LY86: variants seen among roughly 807,000 people sequenced by gnomAD.
LY86 encodes the protein lymphocyte antigen 86, also known as MD-1, RP105-associated.
Under a neutral mutation model 17.3 loss-of-function variants are expected in LY86, and 20 were observed. The ratio of observed to expected loss-of-function variants is 1.15; its 90% CI spans 0.81 to 1.68. LY86 has a LOEUF of 1.68. Among genes scored for constraint, LY86 ranks in the 40% most tolerant of loss-of-function variants. The probability of loss-of-function intolerance (pLI) is 0.00; values close to 1 mark genes in which losing one functional copy is unlikely to be tolerated. For synonymous variants in LY86, 74 were observed against 70.6 expected, an observed-to-expected ratio of 1.05 and a Z score of -0.24; for missense variants, 200 against 191.9, an observed-to-expected ratio of 1.04 and a Z score of -0.25.
intron 1 of LY86, among the ~76,000 whole-genome samples, chr6:6,596,482 CTT>C (rs978955437): frequency 2.6e-5 from 4 of 152,168 alleles, no homozygotes; most frequent in Non-Finnish European, 5.9e-5. Flanking sequence ...CAATTTCTCT[CTT>C]CATTTATTTT....
At chr6:6,595,436 A>AG (rs1373129199) in intron 1 of LY86, among the ~76,000 whole-genome samples, 1 of 95,666 alleles carries the variant, frequency 1.0e-5, no homozygotes, top group Non-Finnish European at 2.2e-5. Context: ...AAGGGGGAGG[A>AG]GGGGGGAGTG....
At position 6,624,923 on chromosome 6, in the gene LY86, T is replaced by C. The variant is rs753964742; in HGVS notation, c.137-3T>C. 2 of 1,469,602 alleles carry C rather than the reference T, an allele frequency of 1.4e-6. No individual in the cohort carries two copies. The highest frequency in any genetic ancestry group is 3.6e-5 in the Admixed American group (2 of 55,402). The allele number at this position is 1,469,602 out of a possible 1,614,324, so 91.0% of individuals were successfully genotyped here. A position where few individuals can be genotyped will look rare whatever the true frequency, so the allele number is the denominator to read the frequency against. On this transcript the variant is annotated splice_region_variant and splice_polypyrimidine_tract_variant and intron_variant, in intron 1 of 4. Transcript: ENST00000230568. Reference sequence around the variant, plus strand: ...AACTAATCTATTGTTTTCTTCTTCGTAGATCCATTACAAGATTTTGGCTTT... The same window carrying C: ...AACTAATCTATTGTTTTCTTCTTCGCAGATCCATTACAAGATTTTGGCTTT...
chr6:6,588,987 A>G, intron 1 of LY86, 117 bp downstream of exon 1: 2 of 1,326,692 alleles, frequency 1.5e-6, no homozygotes, highest in East Asian at 2.5e-5. Context: ...GCAGCTGAAC[A>G]CTTTCTCCAC....
chr6:6,647,968 TACACACACAC>T (rs57233850), intron 3 of LY86, among the ~76,000 whole-genome samples: 6,043 of 144,744 alleles, frequency 0.042, 239 homozygotes, highest in African/African-American at 0.11. Context: ...AATCATCACA[TACACACACAC>T]ACACACACAC....
intron 1 of LY86, among the ~76,000 whole-genome samples, chr6:6,621,895 C>T (rs766596499): frequency 6.6e-6 from 1 of 152,016 alleles, no homozygotes; most frequent in Non-Finnish European, 1.5e-5. Flanking sequence ...TAATATAAAA[C>T]ATGCAAAGTG....
At chr6:6,603,604 AG>A (rs1415983056) in intron 1 of LY86, among the ~76,000 whole-genome samples, 2,529 of 55,524 alleles carry the variant, frequency 0.046, 72 homozygotes, top group East Asian at 0.11. Flanking sequence ...AAACAGAAAC[AG>A]AAAAAAAAAC....
intron 4 of LY86, among the ~76,000 whole-genome samples, 180 bp from the exon 5 acceptor site, chr6:6,654,364 G>A (rs937311220): frequency 1.3e-5 from 2 of 152,238 alleles, no homozygotes; most frequent in Admixed American, 6.5e-5. Flanking sequence ...TCATAAGGGT[G>A]GTCTGTCTCT....
intron 1 of LY86, among the ~76,000 whole-genome samples, chr6:6,623,301 G>A (rs941446666): frequency 6.6e-6 from 1 of 152,164 alleles, no homozygotes; most frequent in Non-Finnish European, 1.5e-5. Flanking sequence ...CTAAGGAAAG[G>A]GTGACAGCTT....
At chr6:6,654,039 C>A (rs1762224662) in intron 4 of LY86, among the ~76,000 whole-genome samples, 1 of 152,146 alleles carries the variant, frequency 6.6e-6, no homozygotes, top group Admixed American at 6.5e-5. Context: ...CCACCATGGC[C>A]TTTGAGGCCC....
intron 3 of LY86, among the ~76,000 whole-genome samples, chr6:6,640,416 A>C (rs965775779): frequency 6.6e-6 from 1 of 151,888 alleles, no homozygotes; most frequent in East Asian, 1.9e-4. Flanking sequence ...AATAAAAAAA[A>C]AAGGCAGGAG....
At chr6:6,641,152 C>T (rs1227713937) in intron 3 of LY86, among the ~76,000 whole-genome samples, 1 of 152,184 alleles carries the variant, frequency 6.6e-6, no homozygotes, top group Non-Finnish European at 1.5e-5. Context: ...CTGGACATCC[C>T]CAAGTAACAT....
chr6:6,613,353 C>T (rs192678170), intron 1 of LY86, among the ~76,000 whole-genome samples: 21 of 152,350 alleles, frequency 1.4e-4, no homozygotes, highest in African/African-American at 4.8e-4. Context: ...GGAGGCTTGG[C>T]CTGCTCATAA....
intron 3 of LY86, among the ~76,000 whole-genome samples, chr6:6,648,933 A>T (rs971822015): frequency 1.3e-5 from 2 of 152,120 alleles, no homozygotes; most frequent in African/African-American, 2.4e-5. Context: ...ACTTGTTACA[A>T]TCTGGATATC....
intron 1 of LY86, among the ~76,000 whole-genome samples, chr6:6,605,806 T>C (rs942479685): frequency 6.6e-6 from 1 of 152,098 alleles, no homozygotes; most frequent in Non-Finnish European, 1.5e-5. Context: ...TTTGGTGGGG[T>C]TCGTGGTCTC....
intron 3 of LY86, 94 bp downstream of exon 3, chr6:6,626,515 G>GTCTC (rs1761792234): frequency 7.0e-7 from 1 of 1,421,178 alleles, no homozygotes; most frequent in Admixed American, 1.9e-5. Context: ...CCAGAGCTCT[G>GTCTC]TCTCTGCCCC....
chr6:6,615,929 T>C (rs1261194955), intron 1 of LY86, among the ~76,000 whole-genome samples: 1 of 152,136 alleles, frequency 6.6e-6, no homozygotes, highest in Non-Finnish European at 1.5e-5. Flanking sequence ...TGTTCTTACA[T>C]TAAAAAGAAA....
At chr6:6,651,949 G>A (rs150822252) in intron 4 of LY86, among the ~76,000 whole-genome samples, 1,683 of 151,040 alleles carry the variant, frequency 0.011, 32 homozygotes, top group African/African-American at 0.038. Context: ...GCAGCCACTC[G>A]GGAGGCTGAG....
intron 3 of LY86, among the ~76,000 whole-genome samples, chr6:6,634,629 T>C (rs1464355280): frequency 1.3e-5 from 2 of 152,208 alleles, no homozygotes; most frequent in Non-Finnish European, 2.9e-5. Flanking sequence ...TCTCTTCTGG[T>C]CCTGGTTCAT....
chr6:6,624,448 G>A (rs1306211637), intron 1 of LY86, among the ~76,000 whole-genome samples: 2 of 146,400 alleles, frequency 1.4e-5, no homozygotes, highest in African/African-American at 5.3e-5. Flanking sequence ...AGAAAGGCAG[G>A]TCTTAACTTT....
Sources: allele counts gnomAD v4.1 joint callset (sites outside exome capture counted in the v4.1 genomes callset), GRCh38; gene constraint gnomAD v4.1.1; transcripts MANE v1.5; gene names NCBI Gene and HGNC (gene_info 2026-07-23, HGNC 2026-07-21).